The following CADM2 variants were observed in gnomAD, a reference collection of about 807,000 sequenced individuals.
The protein encoded by CADM2 is immunoglobulin superfamily member 4D.
Under a neutral mutation model 49.8 loss-of-function variants are expected in CADM2, and 12 were observed. That is an observed-to-expected ratio of 0.24 (90% CI 0.15 to 0.39). The LOEUF (loss-of-function observed/expected upper bound fraction) is 0.39, where lower values mean the gene tolerates loss of function less well. Ranked by LOEUF, CADM2 falls within the 10% of genes least tolerant of loss-of-function variation. The pLI is 1.00. For missense variants in CADM2, 378 were observed against 492.3 expected, an observed-to-expected ratio of 0.77 and a Z score of 2.20; for synonymous variants, 214 against 175.4, an observed-to-expected ratio of 1.22 and a Z score of -1.74.
At chr3:85,458,438 TATTC>T (rs1405555413) in intron 1 of CADM2, among the ~76,000 whole-genome samples, 1 of 152,220 alleles carries the variant, frequency 6.6e-6, no homozygotes, top group East Asian at 1.9e-4. Context: ...CTAAAAGTTT[TATTC>T]ATTCACTCAA....
chr3:85,848,623 A>G (rs971564464), intron 3 of CADM2, among the ~76,000 whole-genome samples: 2 of 151,874 alleles, frequency 1.3e-5, no homozygotes, highest in Non-Finnish European at 2.9e-5. Flanking sequence ...TACATGGTTC[A>G]CTTTGGTTTG....
At chr3:85,642,175 C>A (rs1402288332) in intron 1 of CADM2, among the ~76,000 whole-genome samples, 1 of 152,130 alleles carries the variant, frequency 6.6e-6, no homozygotes, top group Non-Finnish European at 1.5e-5. Flanking sequence ...AGATAGACAG[C>A]CCTGTTTGTT....
intron 8 of CADM2, among the ~76,000 whole-genome samples, chr3:86,027,360 A>G (rs1372478247): frequency 1.3e-5 from 2 of 152,204 alleles, no homozygotes; most frequent in African/African-American, 2.4e-5. Context: ...AATGTTATTT[A>G]TAAACCAAAC....
chr3:85,314,582 A>T (rs2044422108), intron 1 of CADM2, among the ~76,000 whole-genome samples: 1 of 152,144 alleles, frequency 6.6e-6, no homozygotes, highest in Non-Finnish European at 1.5e-5. Context: ...TAATCTGATA[A>T]ATGCTCATTC....
intron 8 of CADM2, among the ~76,000 whole-genome samples, chr3:85,982,157 T>A (rs1003561448): frequency 6.6e-5 from 10 of 151,794 alleles, no homozygotes; most frequent in African/African-American, 2.4e-4. Flanking sequence ...TGTCTGCTTT[T>A]GAGAATTATC....
In CADM2 at chr3:85,814,266, T is replaced by C. The variant is rs192480413; in HGVS notation, c.238+12070T>C. The stretch of plus-strand genomic sequence containing the variant: ...TTGAAGAGGTCCTTCATATACCTTA[T>C]ATGTTTTATTCCTAGTTATTTTATT... On this transcript the variant is annotated intron_variant, in intron 3 of 9. Coordinates refer to ENST00000383699, the MANE Select transcript of CADM2 (RefSeq NM_001167675.2). 3.2e-3 allele frequency among the ~76,000 whole-genome samples: 489 copies of C among 152,264 alleles called. 1 individual carries two copies. Among genetic ancestry groups the C allele is most frequent in the African/African-American group, 0.011 (472 of 41,566 alleles).
intron 6 of CADM2, among the ~76,000 whole-genome samples, chr3:85,925,096 A>C (rs561244339): frequency 4.6e-4 from 70 of 152,244 alleles, no homozygotes; most frequent in African/African-American, 1.6e-3. Context: ...TCTCTGAATT[A>C]TTTTAAATGT....
intron 1 of CADM2, among the ~76,000 whole-genome samples, chr3:85,044,641 T>A (rs985193755): frequency 6.6e-6 from 1 of 152,174 alleles, no homozygotes; most frequent in Non-Finnish European, 1.5e-5. Flanking sequence ...GTTTTTACCT[T>A]TTAGGAATGA....
chr3:85,725,070 C>A (rs771044764), intron 1 of CADM2, among the ~76,000 whole-genome samples: 1 of 151,710 alleles, frequency 6.6e-6, no homozygotes, highest in Non-Finnish European at 1.5e-5. Flanking sequence ...TTGTCTATGT[C>A]CATTTGAGAG....
chr3:85,235,397 C>T (rs895774360), intron 1 of CADM2, among the ~76,000 whole-genome samples: 8 of 151,918 alleles, frequency 5.3e-5, no homozygotes, highest in South Asian at 2.1e-4. Context: ...TGAATTATAT[C>T]GGAATGGAAT....
chr3:85,165,694 T>C (rs1382039733), intron 1 of CADM2, among the ~76,000 whole-genome samples: 4 of 151,788 alleles, frequency 2.6e-5, no homozygotes. Context: ...ACTGAAGAAG[T>C]TGCAACTTAA....
At chr3:85,594,832 C>T (rs2063199217) in intron 1 of CADM2, among the ~76,000 whole-genome samples, 1 of 151,942 alleles carries the variant, frequency 6.6e-6, no homozygotes, top group Non-Finnish European at 1.5e-5. Context: ...TAACCTGGGG[C>T]TATGGGTTCA....
At chr3:85,637,288 A>C (rs4558768) in intron 1 of CADM2, among the ~76,000 whole-genome samples, 58,231 of 151,994 alleles carry the variant, frequency 0.38, 12,265 homozygotes, top group East Asian at 0.54. Flanking sequence ...GAACGTCTTG[A>C]AATAATTTCT....
chr3:85,938,263 C>A (rs1011661636), intron 7 of CADM2, among the ~76,000 whole-genome samples: 14 of 152,028 alleles, frequency 9.2e-5, no homozygotes, highest in African/African-American at 3.1e-4. Flanking sequence ...GGACAAAAAA[C>A]AAGACAAGAC....
chr3:85,008,438 A>G (rs1490051470), intron 1 of CADM2, among the ~76,000 whole-genome samples: 1 of 152,068 alleles, frequency 6.6e-6, no homozygotes, highest in Non-Finnish European at 1.5e-5. Flanking sequence ...GCCTGGTGCA[A>G]ATTGTGAGGG....
At chr3:85,130,904 T>C (rs2039205270) in intron 1 of CADM2, among the ~76,000 whole-genome samples, 1 of 152,198 alleles carries the variant, frequency 6.6e-6, no homozygotes, top group Non-Finnish European at 1.5e-5. Context: ...AATTTTATGC[T>C]AGGCATGGTG....
intron 1 of CADM2, among the ~76,000 whole-genome samples, chr3:85,023,891 G>T (rs2107301226): frequency 6.6e-6 from 1 of 152,092 alleles, no homozygotes; most frequent in African/African-American, 2.4e-5. Flanking sequence ...TATCAGAACA[G>T]ATCATTTATT....
At chr3:85,207,050 ATGTGTGTGTGTGTGTGTGTG>A (rs3085116) in intron 1 of CADM2, among the ~76,000 whole-genome samples, 1 of 144,884 alleles carries the variant, frequency 6.9e-6, no homozygotes, top group Admixed American at 7.0e-5. Flanking sequence ...GAAGAAATAA[ATGTGTGTGTGTGTGTGTGTG>A]TGTGTGTGTG....
In CADM2 at chr3:85,327,594, C is replaced by A. The variant is rs536114056; in HGVS notation, c.61+367926C>A. Among the ~76,000 whole-genome samples, 6 of 146,406 alleles carry A rather than the reference C, an allele frequency of 4.1e-5. No individual in the cohort carries two copies. In the East Asian group the frequency reaches 1.2e-3, roughly 29 times the overall value. On this transcript the variant is annotated intron_variant, in intron 1 of 9. Coordinates refer to ENST00000383699, the MANE Select transcript of CADM2 (RefSeq NM_001167675.2). The stretch of plus-strand genomic sequence containing the variant: ...CACACACACACACACACACACCACA[C>A]ACACACACACATAAACTATATGTGT...
Sources: gnomAD v4.1 joint callset for allele counts (sites outside exome capture counted in the v4.1 genomes callset) on GRCh38, gnomAD v4.1.1 for gene constraint, MANE v1.5 for transcripts, NCBI Gene and HGNC (gene_info 2026-07-23, HGNC 2026-07-21) for gene names.